Variants in GFRA2 observed in about 807,000 individuals in gnomAD.
The protein encoded by GFRA2 is GDNF family receptor alpha-2.
A neutral mutation model predicts 48.3 loss-of-function variants in GFRA2; 17 were observed. That is an observed-to-expected ratio of 0.35 (90% CI 0.24 to 0.53). The LOEUF is 0.53. Ranked by LOEUF, GFRA2 falls within the 20% of genes least tolerant of loss-of-function variation. The probability of loss-of-function intolerance (pLI) is 0.93; values close to 1 mark genes in which losing one functional copy is unlikely to be tolerated. For missense variants in GFRA2, 660 were observed against 637.3 expected, an observed-to-expected ratio of 1.04 and a Z score of -0.38; for synonymous variants, 305 against 257.2, an observed-to-expected ratio of 1.19 and a Z score of -1.78.
chr8:21,706,959 A>G (rs999373824), intron 4 of GFRA2, among the ~76,000 whole-genome samples: 2 of 152,162 alleles, frequency 1.3e-5, no homozygotes, highest in African/African-American at 4.8e-5. Context: ...AATGTTACCA[A>G]CAGCCTGGGC....
intron 1 of GFRA2, among the ~76,000 whole-genome samples, chr8:21,808,606 G>C: frequency 6.6e-6 from 1 of 152,176 alleles, no homozygotes; most frequent in East Asian, 1.9e-4. Context: ...AGGCACAAAG[G>C]GGATGCTCAG....
rs544498915 is a variant in GFRA2 at position 21,723,930 on chromosome 8, T to C, written c.795-17889A>G. 6.6e-5 allele frequency among the ~76,000 whole-genome samples: 10 copies of C among 152,212 alleles called. No homozygotes were observed. In the East Asian group the frequency reaches 1.7e-3, roughly 27 times the overall value. On this transcript the variant is annotated intron_variant, in intron 4 of 8. Coordinates refer to ENST00000524240, the MANE Select transcript of GFRA2 (RefSeq NM_001495.5). ...ACAGCAGGTGGCAGAAGACAGAGGC[T>C]GACTCAACAGACAAGCCCCAGGGAA...
intron 1 of GFRA2, among the ~76,000 whole-genome samples, chr8:21,811,056 G>C (rs1020090324): frequency 2.0e-5 from 3 of 152,218 alleles, no homozygotes; most frequent in African/African-American, 7.2e-5. Flanking sequence ...GATCTCAAAA[G>C]CAGGCCTGTG....
chr8:21,803,750 A>G (rs1255794684), intron 2 of GFRA2, among the ~76,000 whole-genome samples: 1 of 152,202 alleles, frequency 6.6e-6, no homozygotes, highest in Admixed American at 6.5e-5. Context: ...CTCCCACTTC[A>G]GCCTCCCAAG....
chr8:21,804,095 T>C (rs1261899957), intron 2 of GFRA2, among the ~76,000 whole-genome samples: 2 of 152,076 alleles, frequency 1.3e-5, no homozygotes, highest in Admixed American at 6.6e-5. Flanking sequence ...GAGCAGGAAA[T>C]TGAATGCAGA....
In GFRA2 at chr8:21,754,448, A is replaced by G. The variant is rs79247553; in HGVS notation, c.440-3506T>C. Among the ~76,000 whole-genome samples, 179 of 152,282 alleles carry G rather than the reference A, an allele frequency of 1.2e-3. 3 individuals are homozygous for G. In the East Asian group the frequency reaches 0.03, roughly 25 times the overall value. On this transcript the variant is annotated intron_variant, in intron 3 of 8. Transcript: ENST00000524240. The stretch of plus-strand genomic sequence containing the variant: ...AGACCTGAAACTTGGGGGATGATCA[A>G]CGAAGACTAAGCCATTCACCCAACA...
chr8:21,790,328 T>C (rs1807535071), upstream of GFRA2, among the ~76,000 whole-genome samples: 3 of 152,200 alleles, frequency 2.0e-5, no homozygotes. Flanking sequence ...CCTCAGAAAC[T>C]TTTCGTGCTG....
intron 2 of GFRA2, among the ~76,000 whole-genome samples, chr8:21,798,024 G>C (rs1459800592): frequency 1.3e-5 from 2 of 152,138 alleles, no homozygotes; most frequent in Non-Finnish European, 2.9e-5. Context: ...ATCACGTCCA[G>C]TCCACACAGT....
chr8:21,782,513 C>T, intron 2 of GFRA2, 72 bp downstream of exon 2: 5 of 1,187,158 alleles, frequency 4.2e-6, no homozygotes, highest in Non-Finnish European at 5.9e-6. Context: ...CCTCCTGAAC[C>T]CCTGGCCCGC....
intron 4 of GFRA2, among the ~76,000 whole-genome samples, chr8:21,737,946 G>A (rs575470307): frequency 9.9e-5 from 15 of 152,248 alleles, no homozygotes; most frequent in African/African-American, 3.1e-4. Flanking sequence ...GTGCCGGGCC[G>A]GATGCTCGCT....
At chr8:21,713,939 G>A (rs1374530447) in intron 4 of GFRA2, among the ~76,000 whole-genome samples, 1 of 152,150 alleles carries the variant, frequency 6.6e-6, no homozygotes, top group Non-Finnish European at 1.5e-5. Flanking sequence ...AAAAAAAGCA[G>A]TGCTTTGCGC....
intron 1 of GFRA2, among the ~76,000 whole-genome samples, chr8:21,808,544 G>C (rs1181775918): frequency 6.6e-6 from 1 of 152,242 alleles, no homozygotes; most frequent in Non-Finnish European, 1.5e-5. Flanking sequence ...AACCCCTGTA[G>C]GACGGGACTT....
At chr8:21,810,257 G>A in intron 1 of GFRA2, among the ~76,000 whole-genome samples, 1 of 152,160 alleles carries the variant, frequency 6.6e-6, no homozygotes. Flanking sequence ...ATCCACAACA[G>A]TGGACTGTGG....
upstream of GFRA2, among the ~76,000 whole-genome samples, chr8:21,793,358 C>A (rs1199063438): frequency 2.6e-5 from 4 of 152,048 alleles, no homozygotes; most frequent in African/African-American, 9.7e-5. Context: ...AATGAGGGTC[C>A]AACAGGGAGT....
intron 2 of GFRA2, among the ~76,000 whole-genome samples, chr8:21,776,037 G>GTGTGTGTGTGTA (rs549952048): frequency 0.01 from 1,465 of 139,758 alleles, 31 homozygotes; most frequent in Middle Eastern, 0.023. Flanking sequence ...GTGTGTGTGT[G>GTGTGTGTGTGTA]TGTAGTGAAA....
chr8:21,771,411 C>T, intron 3 of GFRA2, among the ~76,000 whole-genome samples: 1 of 152,236 alleles, frequency 6.6e-6, no homozygotes, highest in Non-Finnish European at 1.5e-5. Context: ...TCCAACATCA[C>T]TGTCGCTGTG....
At chr8:21,716,429 G>A (rs544791138) in intron 4 of GFRA2, among the ~76,000 whole-genome samples, 1 of 152,180 alleles carries the variant, frequency 6.6e-6, no homozygotes, top group South Asian at 2.1e-4. Flanking sequence ...AGGCCACGTG[G>A]GCCAAAAACA....
chr8:21,808,408 G>T (rs1165493819), intron 1 of GFRA2, among the ~76,000 whole-genome samples: 1 of 152,220 alleles, frequency 6.6e-6, no homozygotes, highest in Non-Finnish European at 1.5e-5. Flanking sequence ...GCATTGCTAT[G>T]ATGGAGGAGG....
At chr8:21,790,177 G>A, upstream of GFRA2, 2 of 842,228 alleles carry the variant, frequency 2.4e-6, no homozygotes, top group Non-Finnish European at 2.9e-6. Context: ...TCACGTTCCG[G>A]CGAGAGCGGG....
Sources: gnomAD v4.1 joint callset for allele counts (sites outside exome capture counted in the v4.1 genomes callset) on GRCh38, gnomAD v4.1.1 for gene constraint, MANE v1.5 for transcripts, NCBI Gene and HGNC (gene_info 2026-07-23, HGNC 2026-07-21) for gene names.